The following TGFBRAP1 variants were observed in gnomAD, a reference collection of about 807,000 sequenced individuals.
The protein encoded by TGFBRAP1 is transforming growth factor beta receptor associated protein 1.
A neutral mutation model predicts 83.2 loss-of-function variants in TGFBRAP1; 20 were observed. That is an observed-to-expected ratio of 0.24 (90% confidence interval 0.17 to 0.35). The LOEUF (loss-of-function observed/expected upper bound fraction) is 0.35. Among genes scored for constraint, TGFBRAP1 ranks in the 10% least tolerant of loss-of-function variants. The probability of loss-of-function intolerance (pLI) is 1.00; values close to 1 mark genes in which losing one functional copy is unlikely to be tolerated. For synonymous variants in TGFBRAP1, 415 were observed against 459.8 expected (o/e 0.90, Z 1.25); for missense variants, 950 against 1,099.4 (o/e 0.86, Z 1.92).
In TGFBRAP1 at chr2:105,269,517, C is replaced by T. The variant is rs758676861; in HGVS notation, c.2161G>A (p.Ala721Thr). 17 of 1,612,628 alleles carry T rather than the reference C, an allele frequency of 1.1e-5. No individual in the cohort carries two copies. In the South Asian group the frequency reaches 1.9e-4, roughly 18 times the overall value. Reference protein sequence around the residue: ...HRQQLFHTLLAIYLHAGPTAH... With the variant: ...HRQQLFHTLLTIYLHAGPTAH... ...GTGGGGCCAGCATGCAGGTAGATGG[C>T]CAGCAGCGTGTGAAAGAGTTGCTGG... Residue 721 changes from alanine to threonine, a missense_variant, in exon 11 of 12, where the codon GCC (alanine) becomes ACC (threonine). Transcript: ENST00000393359. The surrounding 1 kb of genome is among the most constrained non-coding windows in gnomAD (Gnocchi z 4.1).
chr2:105,308,098 C>A lies in TGFBRAP1; in HGVS notation c.204G>T (p.Gln68His). The change falls in exon 2 of 12, where the codon CAG (glutamine) becomes CAT (histidine). Residue 68 changes from glutamine (Q) to histidine (H), a missense_variant. By Grantham distance (24) the Gln-to-His change is conservative. Coordinates refer to ENST00000393359, the MANE Select transcript of TGFBRAP1 (RefSeq NM_004257.6). ...TCTTGAAGCCCAAGTGTCTCTGCAG[C>A]TGTTTGGTGGCAGTGAACGTGGCTG... Reference protein sequence around the residue: ...AGPATFTATKQLQRHLGFKKP... With the variant: ...AGPATFTATKHLQRHLGFKKP... 1 of 1,614,146 alleles carries A rather than the reference C, an allele frequency of 6.2e-7. No homozygotes were observed. Among genetic ancestry groups the A allele is most frequent in the South Asian group, 1.1e-5 (1 of 91,084 alleles).
chr2:105,299,699 A>G (rs1028192279), intron 2 of TGFBRAP1, among the ~76,000 whole-genome samples: 1 of 152,150 alleles, frequency 6.6e-6, no homozygotes, highest in African/African-American at 2.4e-5. Flanking sequence ...GTTCAAAACC[A>G]GCCTGGGCAA....
intron 3 of TGFBRAP1, 90 bp downstream of exon 3, chr2:105,298,421 C>T (rs750209293): frequency 3.3e-5 from 46 of 1,393,126 alleles, no homozygotes; most frequent in Non-Finnish European, 4.1e-5. Flanking sequence ...TTATGCTTAG[C>T]GCAAGGCCCA....
chr2:105,283,190 A>G (rs753886435), intron 5 of TGFBRAP1, among the ~76,000 whole-genome samples: 6 of 152,240 alleles, frequency 3.9e-5, no homozygotes, highest in Non-Finnish European at 7.3e-5. Context: ...TTCCAAGAAC[A>G]GAGAACAGCA....
chr2:105,277,629 A>G lies in TGFBRAP1; in HGVS notation c.1506T>C (p.Asp502=). The G allele has an allele frequency of 6.2e-7, 1 of 1,614,182 alleles. No individual in the cohort carries two copies. Among genetic ancestry groups the G allele is most frequent in the Non-Finnish European group, 8.5e-7 (1 of 1,180,032 alleles). The stretch of plus-strand genomic sequence containing the variant: ...CTAGACTCACCTGAACTGCAGCAGC[A>G]TCTTGGTTATTATAATGATAGAGCA... The part of the protein sequence containing the change: ...LGLLYHYNNQ[D]AAAVQLWVNI... Residue 502 remains aspartate, a synonymous_variant, in exon 7 of 12, where the codon GAT becomes GAC. Coordinates refer to ENST00000393359, the MANE Select transcript of TGFBRAP1 (RefSeq NM_004257.6).
chr2:105,251,281 T>C, the TGFBRAP1 span, among the ~76,000 whole-genome samples: 1 of 139,984 alleles, frequency 7.1e-6, no homozygotes, highest in Non-Finnish European at 1.5e-5. Flanking sequence ...GTCTGGGATG[T>C]GAGGAGCCTC....
At chr2:105,280,267 T>C in intron 6 of TGFBRAP1, 115 bp downstream of exon 6, 3 of 1,128,966 alleles carry the variant, frequency 2.7e-6, no homozygotes, top group Non-Finnish European at 3.7e-6. Flanking sequence ...CTATAGGTAC[T>C]TGGGAACATA....
At chr2:105,308,521 TAC>T (rs149766409) in intron 1 of TGFBRAP1, among the ~76,000 whole-genome samples, 1 of 151,496 alleles carries the variant, frequency 6.6e-6, no homozygotes, top group African/African-American at 2.4e-5. Flanking sequence ...CACAGACACA[TAC>T]ACACACACAC....
At chr2:105,253,232 A>C in the TGFBRAP1 span, among the ~76,000 whole-genome samples, 2 of 152,194 alleles carry the variant, frequency 1.3e-5, 1 homozygote, top group South Asian at 4.2e-4. Flanking sequence ...TCCCGGGTTC[A>C]AGTGATTCTC....
At chr2:105,315,804 C>A (rs1425635611) in intron 1 of TGFBRAP1, among the ~76,000 whole-genome samples, 1 of 152,166 alleles carries the variant, frequency 6.6e-6, no homozygotes, top group Non-Finnish European at 1.5e-5. Context: ...TTTTTATAAA[C>A]TTAAACATGC....
the TGFBRAP1 span, among the ~76,000 whole-genome samples, chr2:105,254,677 C>T: frequency 1.3e-5 from 2 of 152,002 alleles, no homozygotes; most frequent in Non-Finnish European, 2.9e-5. Context: ...TTTCCAGACT[C>T]GTGTCCTGTT....
chr2:105,258,469 GC>G, the TGFBRAP1 span, among the ~76,000 whole-genome samples: 1 of 151,660 alleles, frequency 6.6e-6, no homozygotes, highest in Non-Finnish European at 1.5e-5. Context: ...GGAGGAATTT[GC>G]CTTTTTTTTT....
intron 5 of TGFBRAP1, among the ~76,000 whole-genome samples, chr2:105,283,363 C>A (rs771999933): frequency 1.2e-4 from 19 of 152,272 alleles, no homozygotes; most frequent in East Asian, 1.9e-4. Context: ...TTAGAGCCAC[C>A]GTGGATGTAA....
intron 6 of TGFBRAP1, 74 bp downstream of exon 6, chr2:105,280,308 G>A: frequency 6.7e-7 from 1 of 1,487,014 alleles, no homozygotes. Flanking sequence ...ACTTCACGAG[G>A]ATCTCCCCAG....
downstream of TGFBRAP1, among the ~76,000 whole-genome samples, chr2:105,262,379 C>T (rs998439188): frequency 2.6e-5 from 4 of 152,174 alleles, no homozygotes; most frequent in African/African-American, 7.2e-5. Flanking sequence ...CTGTCTCTCT[C>T]CAGCTCTTGC....
Position 105,266,619 on chromosome 2 carries a change from C to T in TGFBRAP1, c.*764G>A, listed in dbSNP as rs1243451039. 1 of 152,218 alleles carries T rather than the reference C, an allele frequency of 6.6e-6. No homozygotes were observed. The highest frequency in any genetic ancestry group is 1.5e-5 in the Non-Finnish European group (1 of 68,048). 9.4% of individuals were successfully genotyped at this position (152,218 alleles called of 1,614,324 possible). On this transcript the variant is annotated 3_prime_UTR_variant, in exon 12 of 12. Coordinates refer to ENST00000393359, the MANE Select transcript of TGFBRAP1 (RefSeq NM_004257.6). ...GGGTTTCCCGTGTCCGCGGCTTCTT[C>T]AAGGAGGGGAGAGCAGCTTCTCTCT... is the stretch of plus-strand genomic sequence containing the variant.
the TGFBRAP1 span, among the ~76,000 whole-genome samples, chr2:105,257,750 A>G: frequency 7.7e-4 from 118 of 152,306 alleles, no homozygotes; most frequent in South Asian, 2.1e-3. Context: ...ATATAACCCT[A>G]TATCAGACCA....
chr2:105,312,039 T>C (rs994610478), intron 1 of TGFBRAP1, among the ~76,000 whole-genome samples: 8 of 152,172 alleles, frequency 5.3e-5, no homozygotes, highest in Non-Finnish European at 1.2e-4. Flanking sequence ...AGGCCACACC[T>C]CTATTAAATA....
chr2:105,312,629 A>T (rs1045749657), intron 1 of TGFBRAP1, among the ~76,000 whole-genome samples: 5 of 152,196 alleles, frequency 3.3e-5, no homozygotes, highest in Admixed American at 3.3e-4. Context: ...GTCAAAATAA[A>T]AATATTAGTA....
Sources: gnomAD v4.1 joint callset for allele counts (sites outside exome capture counted in the v4.1 genomes callset) on GRCh38, gnomAD v4.1.1 for gene constraint, Gnocchi (gnomAD v3.1) non-coding constraint, MANE v1.5 for transcripts, NCBI Gene and HGNC (gene_info 2026-07-23, HGNC 2026-07-21) for gene names.